Variants in TRIM2 observed in about 807,000 individuals in gnomAD.
The protein encoded by TRIM2 is tripartite motif containing 2, also known as tripartite motif-containing protein 2.
A neutral mutation model predicts 75.2 loss-of-function variants in TRIM2; 20 were observed. The observed-to-expected ratio is 0.27, with a 90% CI of 0.19 to 0.39. TRIM2 has a LOEUF of 0.39. Among genes scored for constraint, TRIM2 ranks in the 10% least tolerant of loss-of-function variants. TRIM2 has a pLI of 1.00. For synonymous variants in TRIM2, 373 were observed against 388.3 expected, an observed-to-expected ratio of 0.96 and a Z score of 0.46; for missense variants, 660 against 990.8, an observed-to-expected ratio of 0.67 and a Z score of 4.48.
At chr4:153,188,332 C>T (rs1732828455) in intron 1 of TRIM2, among the ~76,000 whole-genome samples, 1 of 152,122 alleles carries the variant, frequency 6.6e-6, no homozygotes, top group South Asian at 2.1e-4. Context: ...TGGTGGCGCA[C>T]ACCTGTAGTC....
At chr4:153,258,147 G>C (rs1190004743) in intron 1 of TRIM2, among the ~76,000 whole-genome samples, 1 of 152,052 alleles carries the variant, frequency 6.6e-6, no homozygotes, top group East Asian at 1.9e-4. Flanking sequence ...AGAGGAGAAC[G>C]TGCGACCCTC....
intron 2 of TRIM2, among the ~76,000 whole-genome samples, chr4:153,272,398 T>G (rs1010079209): frequency 6.6e-6 from 1 of 152,172 alleles, no homozygotes; most frequent in Non-Finnish European, 1.5e-5. Context: ...TCTGCCCAGC[T>G]CGGCCTCCCA....
At chr4:153,260,746 GATCATCATCATCATC>G (rs148593406) in intron 1 of TRIM2, among the ~76,000 whole-genome samples, 12 of 117,784 alleles carry the variant, frequency 1.0e-4, no homozygotes, top group Non-Finnish European at 1.8e-4. Flanking sequence ...TCATCATCAT[GATCATCATCATCATC>G]ATCAGGAAAG....
intron 3 of TRIM2, among the ~76,000 whole-genome samples, chr4:153,280,737 T>G (rs928148668): frequency 6.6e-6 from 1 of 150,846 alleles, no homozygotes; most frequent in East Asian, 2.0e-4. Flanking sequence ...CAGGCTGGAG[T>G]GCAGCGGCAC....
chr4:153,181,726 T>C (rs1170312700), intron 1 of TRIM2, among the ~76,000 whole-genome samples: 1 of 152,140 alleles, frequency 6.6e-6, no homozygotes, highest in East Asian at 1.9e-4. Flanking sequence ...CCCAGCAGCC[T>C]TGTACACCTG....
intron 1 of TRIM2, among the ~76,000 whole-genome samples, chr4:153,265,240 A>G (rs1000812263): frequency 6.6e-6 from 1 of 151,852 alleles, no homozygotes; most frequent in Non-Finnish European, 1.5e-5. Context: ...TGATTATTTC[A>G]AAGGGTACTA....
intron 1 of TRIM2, among the ~76,000 whole-genome samples, chr4:153,198,413 C>T (rs1733989015): frequency 6.6e-6 from 1 of 152,144 alleles, no homozygotes; most frequent in African/African-American, 2.4e-5. Context: ...CTTTTGCTTC[C>T]CCCTCATTCT....
chr4:153,221,763 T>TAAGG (rs1553966322), intron 1 of TRIM2, among the ~76,000 whole-genome samples: 6 of 76,266 alleles, frequency 7.9e-5, no homozygotes, highest in East Asian at 4.4e-4. Flanking sequence ...AGGGAGGAAA[T>TAAGG]AAGGAAGGAA....
chr4:153,263,405 G>A (rs1754078502), intron 1 of TRIM2, among the ~76,000 whole-genome samples: 2 of 152,180 alleles, frequency 1.3e-5, no homozygotes, highest in Non-Finnish European at 1.5e-5. Flanking sequence ...CAGATGACCG[G>A]CAACAACCAC....
intron 1 of TRIM2, among the ~76,000 whole-genome samples, chr4:153,209,094 C>T (rs557203212): frequency 1.3e-5 from 2 of 152,168 alleles, no homozygotes. Flanking sequence ...TCTAACACAG[C>T]GGAATCAGGA....
chr4:153,303,106 A>C (rs116252943), intron 6 of TRIM2, among the ~76,000 whole-genome samples: 153 of 152,300 alleles, frequency 1.0e-3, no homozygotes, highest in African/African-American at 3.5e-3. Context: ...CTGGCCTAAG[A>C]ACTTGGCTTT....
Position 153,336,650 on chromosome 4 carries a change from T to C in TRIM2, c.*1684T>C, listed in dbSNP as rs559458360. 14 of 985,698 alleles carry C rather than the reference T, an allele frequency of 1.4e-5. No homozygotes were observed. The South Asian group carries it at 5.6e-4, about 40-fold the overall frequency. 61.1% of individuals were successfully genotyped at this position (985,698 alleles called of 1,614,324 possible). On this transcript the variant is annotated 3_prime_UTR_variant, in exon 12 of 12. Transcript: ENST00000338700. ...GTACTATAAGAAAACATTTCCCCTA[T>C]GTATAATTATATGAATGTGATGTTT...
At chr4:153,245,658 CT>C (rs1748941390) in intron 1 of TRIM2, among the ~76,000 whole-genome samples, 1 of 152,150 alleles carries the variant, frequency 6.6e-6, no homozygotes, top group Non-Finnish European at 1.5e-5. Context: ...CCTTTAACAA[CT>C]GTTATTTATT....
chr4:153,154,348 C>T (rs1312595386), intron 1 of TRIM2, among the ~76,000 whole-genome samples: 1 of 152,216 alleles, frequency 6.6e-6, no homozygotes, highest in African/African-American at 2.4e-5. Flanking sequence ...AATGGAAGAC[C>T]TCACCTTCCC....
intron 3 of TRIM2, among the ~76,000 whole-genome samples, chr4:153,280,406 G>A (rs1759048629): frequency 1.6e-5 from 1 of 62,598 alleles, no homozygotes; most frequent in Admixed American, 1.3e-4. Context: ...TTTTTGCTGG[G>A]TCTCACTCTG....
intron 11 of TRIM2, among the ~76,000 whole-genome samples, chr4:153,330,448 G>T (rs1189935965): frequency 6.6e-6 from 1 of 152,090 alleles, no homozygotes; most frequent in Non-Finnish European, 1.5e-5. Flanking sequence ...TGTAAAAATT[G>T]CTCCATGACC....
intron 1 of TRIM2, among the ~76,000 whole-genome samples, chr4:153,232,739 G>A (rs938098689): frequency 2.0e-5 from 3 of 152,160 alleles, no homozygotes; most frequent in East Asian, 1.9e-4. Context: ...GTAATGTGTC[G>A]TTAAGTCTAG....
intron 1 of TRIM2, chr4:153,265,903 C>A (rs1220588384): frequency 6.6e-6 from 1 of 152,176 alleles, no homozygotes; most frequent in Non-Finnish European, 1.5e-5. Context: ...TTTAAACCCT[C>A]AGCGTTGGTT....
At chr4:153,326,910 G>A (rs1770314836) in intron 10 of TRIM2, among the ~76,000 whole-genome samples, 1 of 149,098 alleles carries the variant, frequency 6.7e-6, no homozygotes, top group South Asian at 2.1e-4. Context: ...GAACCAGGAA[G>A]TGGAGGTTGC....
Sources: allele counts gnomAD v4.1 joint callset (sites outside exome capture counted in the v4.1 genomes callset), GRCh38; gene constraint gnomAD v4.1.1; transcripts MANE v1.5; gene names NCBI Gene and HGNC (gene_info 2026-07-23, HGNC 2026-07-21).